The following FAT3 variants were observed in gnomAD, a reference collection of about 807,000 sequenced individuals.
The protein encoded by FAT3 is FAT atypical cadherin 3.
Under a neutral mutation model 310.2 loss-of-function variants are expected in FAT3, and 95 were observed. That is an observed-to-expected ratio of 0.31 (90% confidence interval 0.26 to 0.36). The LOEUF is 0.36. Ranked by LOEUF, FAT3 falls within the 10% of genes least tolerant of loss-of-function variation. The pLI, the probability that FAT3 is intolerant of heterozygous loss-of-function variation, is 1.00. For synonymous variants in FAT3, 2,314 were observed against 2,192.9 expected (o/e 1.06, Z -1.54); for missense variants, 5,408 against 5,715.6 (o/e 0.95, Z 1.74).
rs368618337 is a variant in FAT3, at chr11:92,801,870, A to G, written c.8857A>G (p.Thr2953Ala). The G allele has an allele frequency of 3.1e-6, 5 of 1,613,916 alleles. No individual in the cohort carries two copies. Among genetic ancestry groups the G allele is most frequent in the Middle Eastern group, 1.7e-4 (1 of 6,060 alleles). Residue 2953 changes from threonine (T) to alanine (A), a missense_variant, in exon 10 of 28, where the codon ACA becomes GCA. Physicochemically the swap from Thr to Ala is moderately conservative, Grantham distance 58 (BLOSUM62 0). This residue lies in a region of FAT3 where 4,588 missense variants were observed against 4,809.8 expected (regional missense o/e 0.95). Transcript: ENST00000525166. ...VAVLSTWDRD[T>A]SDVNRQVSYH... is the part of the protein sequence containing the mutation. ...CGTCCTCAGCACCTGGGACAGAGAC[A>G]CATCCGACGTTAATCGCCAAGTGAG... is the stretch of plus-strand genomic sequence containing the variant.
At chr11:92,859,138 T>C (rs1253191445) in intron 20 of FAT3, 27 bp from the exon 21 acceptor site, 5 of 1,604,504 alleles carry the variant, frequency 3.1e-6, no homozygotes, top group Non-Finnish European at 4.3e-6. Flanking sequence ...TAAAAATATA[T>C]ATGTCTTCTC....
At chr11:92,764,394 C>T (rs926350173) in intron 5 of FAT3, among the ~76,000 whole-genome samples, 4 of 152,118 alleles carry the variant, frequency 2.6e-5, no homozygotes. Context: ...AGCTGCGAAA[C>T]ACAACCACAC....
rs1952537003 is a variant in FAT3, at chr11:92,489,481, G to A, written c.3293-35153G>A. ...ATCTTATGGAGAGTCTGTTAGGTTG[G>A]TCCTTGGTCTGGGATTGCAGTGGCC... On this transcript the variant is annotated intron_variant, in intron 2 of 27. Coordinates refer to ENST00000525166, the MANE Select transcript of FAT3 (RefSeq NM_001367949.2). Among the ~76,000 whole-genome samples the A allele has an allele frequency of 2.0e-5, 3 of 151,958 alleles. No homozygotes were observed. In the South Asian group the frequency reaches 6.2e-4, roughly 32 times the overall value.
chr11:92,488,119 T>C (rs1458554453), intron 2 of FAT3, among the ~76,000 whole-genome samples: 2 of 152,180 alleles, frequency 1.3e-5, no homozygotes, highest in East Asian at 3.9e-4. Context: ...TAAGTAGCCA[T>C]GCTGAGCAAG....
At chr11:92,443,533 A>G (rs1565321238) in intron 2 of FAT3, among the ~76,000 whole-genome samples, 1 of 152,224 alleles carries the variant, frequency 6.6e-6, no homozygotes, top group Non-Finnish European at 1.5e-5. Context: ...AAAGATGAAT[A>G]ACCATGTGGT....
chr11:92,411,051 A>ATATATATAAATATATATAC (rs1436225968), intron 2 of FAT3, among the ~76,000 whole-genome samples: 1 of 125,600 alleles, frequency 8.0e-6, no homozygotes, highest in African/African-American at 4.4e-5. Flanking sequence ...TGTATATAAT[A>ATATATATAAATATATATAC]TATATATAAA....
rs571074322 is a variant in FAT3 at position 92,844,170 on chromosome 11, C to T, written c.10803C>T (p.His3601=). 13 of 1,613,996 alleles carry T rather than the reference C, an allele frequency of 8.1e-6. No homozygotes were observed. The highest frequency in any genetic ancestry group is 8.0e-5 in the African/African-American group (6 of 75,016). Residue 3601 remains histidine (H), a synonymous_variant, in exon 19 of 28, where the codon CAC becomes CAT. Coordinates refer to ENST00000525166, the MANE Select transcript of FAT3 (RefSeq NM_001367949.2). ...AAAGCTTATTTAAAGTGAACAGTCACGATGGGAAAATCATCGCCCTGGGAG... is the reference window on the plus strand; with the variant it reads ...AAAGCTTATTTAAAGTGAACAGTCATGATGGGAAAATCATCGCCCTGGGAG... The part of the protein sequence containing the change: ...EQKSLFKVNS[H]DGKIIALGGL...
chr11:92,421,382 G>T (rs1055988237), intron 2 of FAT3, among the ~76,000 whole-genome samples: 1 of 152,150 alleles, frequency 6.6e-6, no homozygotes, highest in African/African-American at 2.4e-5. Flanking sequence ...GTCTGGTTCT[G>T]TATTAGGAGG....
At chr11:92,889,131 A>G in intron 25 of FAT3, 58 bp from the exon 26 acceptor site, 2 of 674,062 alleles carry the variant, frequency 3.0e-6, no homozygotes, top group Non-Finnish European at 5.4e-6. Context: ...TGTTTAAAAT[A>G]TACAACTAAC....
In FAT3 at chr11:92,353,511, G is replaced by T; in HGVS notation, c.1399G>T (p.Asp467Tyr). The change falls in exon 2 of 28, where the codon GAC becomes TAC. Residue 467 changes from aspartate to tyrosine, a missense_variant. Physicochemically the swap from Asp to Tyr is radical, Grantham distance 160. Transcript: ENST00000525166. ...QVTISIEDAN[D>Y]HTPEFQQPLY... ...CACCATCAGCATAGAAGATGCAAAT[G>T]ACCACACCCCAGAATTTCAGCAACC... The T allele has an allele frequency of 6.2e-7, 1 of 1,613,404 alleles. No homozygotes were observed. The highest frequency in any genetic ancestry group is 1.1e-5 in the South Asian group (1 of 91,002).
chr11:92,532,689 C>A (rs1954121747), intron 3 of FAT3, among the ~76,000 whole-genome samples: 2 of 152,324 alleles, frequency 1.3e-5, no homozygotes, highest in South Asian at 4.1e-4. Context: ...CCATTTTGAA[C>A]AGCCTTCTCC....
chr11:92,685,588 A>G (rs1943609395), intron 3 of FAT3, among the ~76,000 whole-genome samples: 2 of 149,716 alleles, frequency 1.3e-5, no homozygotes, highest in African/African-American at 2.4e-5. Context: ...TGTTTACTAT[A>G]TATTATATAT....
intron 9 of FAT3, among the ~76,000 whole-genome samples, chr11:92,793,255 T>G (rs1947083138): frequency 6.6e-6 from 1 of 152,130 alleles, no homozygotes; most frequent in South Asian, 2.1e-4. Flanking sequence ...CGTAATAAAT[T>G]TAGTGGCTTT....
intron 4 of FAT3, among the ~76,000 whole-genome samples, chr11:92,707,363 G>A (rs1338931658): frequency 1.3e-5 from 2 of 152,204 alleles, no homozygotes; most frequent in Non-Finnish European, 2.9e-5. Context: ...GCCTTAGGGA[G>A]CTGAGACTCT....
intron 12 of FAT3, among the ~76,000 whole-genome samples, chr11:92,809,587 A>G (rs1947609343): frequency 6.6e-6 from 1 of 152,220 alleles, no homozygotes; most frequent in African/African-American, 2.4e-5. Flanking sequence ...AGAGCCCCTT[A>G]TACCAGCGGT....
At chr11:92,319,780 C>A (rs1947559936) in intron 1 of FAT3, among the ~76,000 whole-genome samples, 1 of 152,158 alleles carries the variant, frequency 6.6e-6, no homozygotes, top group South Asian at 2.1e-4. Context: ...CACAGGCAAT[C>A]CTCTTGCCAT....
At chr11:92,226,079 C>T (rs1863894940) in intron 1 of FAT3, among the ~76,000 whole-genome samples, 3 of 152,142 alleles carry the variant, frequency 2.0e-5, no homozygotes, top group Admixed American at 2.0e-4. Context: ...ATCCCCTCTA[C>T]AGGCCAGTGT....
chr11:92,865,867 G>A (rs1168866693), intron 21 of FAT3, among the ~76,000 whole-genome samples: 1 of 152,138 alleles, frequency 6.6e-6, no homozygotes, highest in Non-Finnish European at 1.5e-5. Flanking sequence ...CCTCCCGGGC[G>A]CAGTGATGCC....
At chr11:92,451,350 T>G (rs1313857100) in intron 2 of FAT3, among the ~76,000 whole-genome samples, 1 of 152,196 alleles carries the variant, frequency 6.6e-6, no homozygotes, top group Non-Finnish European at 1.5e-5. Flanking sequence ...TAACCAGCCT[T>G]CCATGACCTG....
Sources: gnomAD v4.1 joint callset for allele counts (sites outside exome capture counted in the v4.1 genomes callset) on GRCh38, gnomAD v4.1.1 for gene constraint, gnomAD v4.1.1 regional missense constraint, MANE v1.5 for transcripts, NCBI Gene and HGNC (gene_info 2026-07-23, HGNC 2026-07-21) for gene names.